XRCC5: variants seen among roughly 807,000 people sequenced by gnomAD.
The protein encoded by XRCC5 is X-ray repair cross complementing 5.
Under a neutral mutation model 95.7 loss-of-function variants are expected in XRCC5, and 12 were observed. The observed-to-expected ratio is 0.13, with a 90% CI of 0.08 to 0.20. XRCC5 has a LOEUF of 0.20. XRCC5 is among the 10% of genes least tolerant of loss of function. The pLI is 1.00. For synonymous variants in XRCC5, 281 were observed against 290.3 expected, an observed-to-expected ratio of 0.97 and a Z score of 0.33; for missense variants, 595 against 873.9, an observed-to-expected ratio of 0.68 and a Z score of 4.02.
intron 14 of XRCC5, among the ~76,000 whole-genome samples, chr2:216,149,207 T>G (rs1688696541): frequency 6.6e-6 from 1 of 152,190 alleles, no homozygotes; most frequent in South Asian, 2.1e-4. Flanking sequence ...CTATAAATCA[T>G]TGATTTAGAG....
intron 10 of XRCC5, 31 bp from the exon 11 acceptor site, chr2:216,137,057 T>C (rs913182646): frequency 1.3e-6 from 2 of 1,598,922 alleles, no homozygotes; most frequent in African/African-American, 1.3e-5. Context: ...ACATGTTGAA[T>C]ATGTGTTAAT....
chr2:216,115,945 ATACT>A (rs41297766), intron 2 of XRCC5, among the ~76,000 whole-genome samples: 4,916 of 152,272 alleles, frequency 0.032, 96 homozygotes, highest in Non-Finnish European at 0.049. Context: ...ATATTCATAA[ATACT>A]TAGTATTGTA....
intron 14 of XRCC5, among the ~76,000 whole-genome samples, chr2:216,154,462 C>T (rs1196184038): frequency 6.6e-6 from 1 of 152,234 alleles, no homozygotes; most frequent in Non-Finnish European, 1.5e-5. Flanking sequence ...GCATCGCCCA[C>T]TGCCACTGCT....
chr2:216,176,019 G>A (rs557276280), intron 16 of XRCC5: 4 of 196,442 alleles, frequency 2.0e-5, no homozygotes, highest in African/African-American at 7.2e-5. Flanking sequence ...ACCGGGTAGT[G>A]GTTTTACCTC....
chr2:216,119,262 C>T (rs1051057350), intron 5 of XRCC5, 97 bp downstream of exon 5: 15 of 1,372,174 alleles, frequency 1.1e-5, no homozygotes, highest in Admixed American at 1.1e-4. Context: ...TGGGAATTTT[C>T]GCTTTCTGCT....
chr2:216,184,032 C>CTGTGTGTGTGTG (rs3221952), intron 16 of XRCC5, among the ~76,000 whole-genome samples: 4,342 of 145,606 alleles, frequency 0.03, 67 homozygotes, highest in South Asian at 0.047. Context: ...TAAGTCAGCA[C>CTGTGTGTGTGTG]TGTGTGTGTG....
intron 15 of XRCC5, 61 bp downstream of exon 15, chr2:216,160,222 G>T: frequency 8.6e-7 from 1 of 1,165,458 alleles, no homozygotes; most frequent in Non-Finnish European, 1.2e-6. Flanking sequence ...TTGAGGGAGA[G>T]TGCATCAATT....
intron 9 of XRCC5, among the ~76,000 whole-genome samples, 170 bp from the exon 10 acceptor site, chr2:216,132,155 G>A (rs1697005760): frequency 6.6e-6 from 1 of 152,228 alleles, no homozygotes; most frequent in Non-Finnish European, 1.5e-5. Flanking sequence ...CATGCTGGGT[G>A]CTCAGATATT....
chr2:216,129,481 T>C (rs1696947977), intron 8 of XRCC5, among the ~76,000 whole-genome samples: 1 of 152,112 alleles, frequency 6.6e-6, no homozygotes, highest in African/African-American at 2.4e-5. Flanking sequence ...CATGAAACAG[T>C]TTTAGTTAGA....
Position 216,109,413 on chromosome 2 carries a change from C to G in XRCC5, c.-24C>G, listed in dbSNP as rs368823967. ...GCAGGTTCCCGCCCGGAAGAAGCGA[C>G]CAAAGCGCCTGAGGACCGGCAACAT... On this transcript the variant is annotated 5_prime_UTR_variant, in exon 1 of 21. Coordinates refer to ENST00000392132, the MANE Select transcript of XRCC5 (RefSeq NM_021141.4). 4 of 1,613,766 alleles carry G rather than the reference C, an allele frequency of 2.5e-6. No homozygotes were observed. In the African/African-American group the frequency reaches 4.0e-5, roughly 16 times the overall value.
chr2:216,116,064 AATTT>A (rs2106000395), intron 2 of XRCC5, among the ~76,000 whole-genome samples: 1 of 152,306 alleles, frequency 6.6e-6, no homozygotes, highest in South Asian at 2.1e-4. Flanking sequence ...GTGTTGCACA[AATTT>A]ATTCATTTTT....
chr2:216,122,438 T>C (rs775428264), intron 6 of XRCC5, among the ~76,000 whole-genome samples, 185 bp downstream of exon 6: 32 of 152,244 alleles, frequency 2.1e-4, no homozygotes, highest in African/African-American at 7.5e-4. Flanking sequence ...GTTTGTGTTC[T>C]TGGCACATGT....
chr2:216,168,442 A>G (rs1052211364), intron 16 of XRCC5, among the ~76,000 whole-genome samples: 22 of 152,224 alleles, frequency 1.4e-4, no homozygotes, highest in Non-Finnish European at 2.9e-5. Flanking sequence ...AAAGCACATG[A>G]CGTAGAAACT....
chr2:216,109,387 G>C lies in XRCC5; in HGVS notation c.-50G>C, dbSNP rs1401462285. ...GTCCACCGGAAGCGAGTTGCGACAC[G>C]GCAGGTTCCCGCCCGGAAGAAGCGA... On this transcript the variant is annotated 5_prime_UTR_variant, in exon 1 of 21. Transcript: ENST00000392132. 1 of 1,612,788 alleles carries C rather than the reference G, an allele frequency of 6.2e-7. No homozygotes were observed. Among genetic ancestry groups the C allele is most frequent in the Non-Finnish European group, 8.5e-7 (1 of 1,179,522 alleles).
At chr2:216,166,627 CAG>C (rs1467688247) in intron 16 of XRCC5, among the ~76,000 whole-genome samples, 2 of 152,276 alleles carry the variant, frequency 1.3e-5, no homozygotes, top group Non-Finnish European at 2.9e-5. Flanking sequence ...AGCTAATCAA[CAG>C]AGTTGCTAAG....
At position 216,137,081 on chromosome 2, in the gene XRCC5, T is replaced by A. The variant is rs771214164; in HGVS notation, c.1114-7T>A. 1 of 1,612,116 alleles carries A rather than the reference T, an allele frequency of 6.2e-7. No homozygotes were observed. Among genetic ancestry groups the A allele is most frequent in the Admixed American group, 1.7e-5 (1 of 59,734 alleles). Reference sequence around the variant, plus strand: ...ATATGTGTTAATACATCCATCTTTCTTACCAGGCAGCTGCAGTTGCACTTT... The same window carrying A: ...ATATGTGTTAATACATCCATCTTTCATACCAGGCAGCTGCAGTTGCACTTT... On this transcript the variant is annotated splice_polypyrimidine_tract_variant and splice_region_variant and intron_variant, in intron 10 of 20. Coordinates refer to ENST00000392132, the MANE Select transcript of XRCC5 (RefSeq NM_021141.4).
At chr2:216,149,240 A>G (rs1688697022) in intron 14 of XRCC5, among the ~76,000 whole-genome samples, 1 of 152,172 alleles carries the variant, frequency 6.6e-6, no homozygotes, top group Non-Finnish European at 1.5e-5. Context: ...AATTGAATAG[A>G]AAGTTGTGCA....
intron 16 of XRCC5, among the ~76,000 whole-genome samples, chr2:216,173,899 G>A (rs1018372258): frequency 6.6e-6 from 1 of 152,150 alleles, no homozygotes; most frequent in African/African-American, 2.4e-5. Flanking sequence ...ATAAATATCT[G>A]TTCTTTATAA....
At chr2:216,174,316 A>G (rs1689229511) in intron 16 of XRCC5, among the ~76,000 whole-genome samples, 1 of 152,220 alleles carries the variant, frequency 6.6e-6, no homozygotes, top group Non-Finnish European at 1.5e-5. Context: ...GTGCCCATTC[A>G]TGTCATGGTT....
Sources: gnomAD v4.1 joint callset for allele counts (sites outside exome capture counted in the v4.1 genomes callset) on GRCh38, gnomAD v4.1.1 for gene constraint, MANE v1.5 for transcripts, NCBI Gene and HGNC (gene_info 2026-07-23, HGNC 2026-07-21) for gene names.